Variants in MNDA observed in about 807,000 individuals in gnomAD.
MNDA encodes epididymis secretory sperm binding protein.
MNDA carries 43 observed loss-of-function variants against 37.8 expected under a neutral mutation model. The ratio of observed to expected loss-of-function variants is 1.14; its 90% CI spans 0.89 to 1.47. The LOEUF (loss-of-function observed/expected upper bound fraction) is 1.47. Ranked by LOEUF, MNDA falls within the 40% of genes most tolerant of loss-of-function variation. The pLI is 0.00. For missense variants in MNDA, 536 were observed against 476.0 expected (o/e 1.13, Z -1.17); for synonymous variants, 181 against 169.0 (o/e 1.07, Z -0.55).
chr1:158,843,817 G>C, intron 3 of MNDA, 138 bp from the exon 4 acceptor site: 1 of 723,474 alleles, frequency 1.4e-6, no homozygotes, highest in Non-Finnish European at 2.2e-6. Flanking sequence ...TCAAGTGACA[G>C]ATTGTAATTC....
chr1:158,843,724 A>G (rs571276298), intron 3 of MNDA, among the ~76,000 whole-genome samples: 39 of 152,294 alleles, frequency 2.6e-4, no homozygotes, highest in African/African-American at 8.9e-4. Context: ...CACAGTGGTG[A>G]TAACAGTAAT....
chr1:158,845,629 A>G lies in MNDA; in HGVS notation c.613A>G (p.Asn205Asp). Reference protein sequence around the residue: ...QAQRQVDARRNVPQNDPVTVV... With the variant: ...QAQRQVDARRDVPQNDPVTVV... Reference sequence around the variant, plus strand: ...CCAACGGCAGGTGGATGCAAGAAGAAATGTTCCCCAAAACGACCCAGTGAC... The same window carrying G: ...CCAACGGCAGGTGGATGCAAGAAGAGATGTTCCCCAAAACGACCCAGTGAC... Residue 205 changes from asparagine (N) to aspartate (D), a missense_variant, in exon 5 of 7, where the codon AAT (asparagine) becomes GAT (aspartate). Physicochemically the swap from Asn to Asp is conservative, Grantham distance 23. Coordinates refer to ENST00000368141, the MANE Select transcript of MNDA (RefSeq NM_002432.3). 6.2e-7 allele frequency: 1 copy of G among 1,613,742 alleles called. No homozygotes were observed. Among genetic ancestry groups the G allele is most frequent in the South Asian group, 1.1e-5 (1 of 91,034 alleles).
intron 4 of MNDA, among the ~76,000 whole-genome samples, 195 bp from the exon 5 acceptor site, chr1:158,845,392 A>C (rs1659112109): frequency 2.0e-5 from 3 of 151,936 alleles, no homozygotes; most frequent in South Asian, 2.1e-4. Flanking sequence ...CGCCCGCTAC[A>C]ACGCCCGGCT....
At chr1:158,832,727 T>C (rs1369562185) in intron 1 of MNDA, among the ~76,000 whole-genome samples, 1 of 151,990 alleles carries the variant, frequency 6.6e-6, no homozygotes, top group Admixed American at 6.5e-5. Flanking sequence ...CTAAAAAGTC[T>C]TTCTTTAAGT....
chr1:158,842,919 T>C (rs1203609394), intron 2 of MNDA, among the ~76,000 whole-genome samples: 1 of 152,150 alleles, frequency 6.6e-6, no homozygotes, highest in African/African-American at 2.4e-5. Context: ...GAACAGATAT[T>C]GCACAGAACA....
chr1:158,840,036 A>C (rs1427178448), intron 1 of MNDA, among the ~76,000 whole-genome samples: 1 of 152,138 alleles, frequency 6.6e-6, no homozygotes, highest in Non-Finnish European at 1.5e-5. Flanking sequence ...CCCTGGGACA[A>C]CTCTGATTTT....
At chr1:158,848,911 A>T (rs537084590) in intron 6 of MNDA, among the ~76,000 whole-genome samples, 49 of 151,644 alleles carry the variant, frequency 3.2e-4, no homozygotes, top group Middle Eastern at 3.4e-3. Flanking sequence ...CGAAACTTTT[A>T]AAAAAAAATG....
chr1:158,845,292 C>G (rs948363354), intron 4 of MNDA, among the ~76,000 whole-genome samples: 10 of 152,138 alleles, frequency 6.6e-5, no homozygotes, highest in African/African-American at 2.4e-4. Context: ...GGCTGGAGTG[C>G]AGTGGTGCGA....
Position 158,836,136 on chromosome 1 carries a change from T to C in MNDA, c.-21+4579T>C, listed in dbSNP as rs992418548. 2.9e-5 allele frequency among the ~76,000 whole-genome samples: 4 copies of C among 135,656 alleles called. No homozygotes were observed. The East Asian group carries it at 7.2e-4, about 24-fold the overall frequency. 89.0% of individuals were successfully genotyped at this position (135,656 alleles called of 152,430 possible). On this transcript the variant is annotated intron_variant, in intron 1 of 6. Coordinates refer to ENST00000368141, the MANE Select transcript of MNDA (RefSeq NM_002432.3). ...TGCTATATAATTATGTTCGCTAGCA[T>C]TTTGTAAAAAAAAAATGCATCGACA...
chr1:158,844,278 G>C (rs1659090962), intron 4 of MNDA, among the ~76,000 whole-genome samples, 156 bp downstream of exon 4: 1 of 151,704 alleles, frequency 6.6e-6, no homozygotes, highest in Middle Eastern at 3.4e-3. Context: ...ACATTGGTGA[G>C]AAGCCACATG....
In MNDA at chr1:158,847,615, C is replaced by T. The variant is rs1213745423; in HGVS notation, c.988-113C>T. The T allele has an allele frequency of 7.2e-6, 7 of 973,660 alleles. No homozygotes were observed. In the East Asian group the frequency reaches 1.9e-4, roughly 26 times the overall value. 60.3% of individuals were successfully genotyped at this position (973,660 alleles called of 1,614,324 possible). On this transcript the variant is annotated intron_variant, in intron 5 of 6. Coordinates refer to ENST00000368141, the MANE Select transcript of MNDA (RefSeq NM_002432.3). ...TGGCAGGCCAAGCCACATGTATGATCTGTACCTGTCATTCCTGTCGTGCAT... is the reference window on the plus strand; with the variant it reads ...TGGCAGGCCAAGCCACATGTATGATTTGTACCTGTCATTCCTGTCGTGCAT...
At chr1:158,837,219 C>G (rs1377661653) in intron 1 of MNDA, among the ~76,000 whole-genome samples, 1 of 151,732 alleles carries the variant, frequency 6.6e-6, no homozygotes, top group African/African-American at 2.4e-5. Context: ...TATAATTGGT[C>G]TATAAGTGGT....
chr1:158,848,012 G>A, intron 6 of MNDA, 96 bp downstream of exon 6: 1 of 1,114,822 alleles, frequency 9.0e-7, no homozygotes, highest in Non-Finnish European at 1.3e-6. Context: ...TACTCAGAGA[G>A]TCCAGCGAGT....
chr1:158,832,127 A>G (rs904468383), intron 1 of MNDA, among the ~76,000 whole-genome samples: 3 of 152,144 alleles, frequency 2.0e-5, no homozygotes, highest in Non-Finnish European at 2.9e-5. Flanking sequence ...TCTTTTTCAA[A>G]TGGTCTATGC....
At chr1:158,848,390 T>G (rs1282037613) in intron 6 of MNDA, among the ~76,000 whole-genome samples, 3 of 60,778 alleles carry the variant, frequency 4.9e-5, no homozygotes, top group Non-Finnish European at 9.9e-5. Flanking sequence ...TAGTTTTATT[T>G]TTAGGAAGGT....
chr1:158,845,598 C>A lies in MNDA; in HGVS notation c.582C>A (p.Thr194=). The A allele has an allele frequency of 6.2e-7, 1 of 1,610,992 alleles. No individual in the cohort carries two copies. ...SNTSFTPNQE[T]QAQRQVDARR... ...TCTGCCCAACACAGAATCAGGAAACCCAGGCCCAACGGCAGGTGGATGCAA... is the reference window on the plus strand; with the variant it reads ...TCTGCCCAACACAGAATCAGGAAACACAGGCCCAACGGCAGGTGGATGCAA... Residue 194 remains threonine (T), a synonymous_variant, in exon 5 of 7, where the codon ACC becomes ACA. Transcript: ENST00000368141.
intron 1 of MNDA, among the ~76,000 whole-genome samples, chr1:158,835,888 T>C (rs1354650433): frequency 4.0e-5 from 6 of 151,880 alleles, no homozygotes; most frequent in Non-Finnish European, 5.9e-5. Context: ...ATTGAGATGA[T>C]CATTTTTTTT....
chr1:158,839,645 A>G (rs1322705365), intron 1 of MNDA, among the ~76,000 whole-genome samples: 1 of 152,214 alleles, frequency 6.6e-6, no homozygotes, highest in Non-Finnish European at 1.5e-5. Flanking sequence ...ATTCCAAAGG[A>G]AGAATGAGGA....
At chr1:158,840,540 A>G (rs1659011267) in intron 1 of MNDA, among the ~76,000 whole-genome samples, 1 of 152,082 alleles carries the variant, frequency 6.6e-6, no homozygotes, top group South Asian at 2.1e-4. Flanking sequence ...TTCACATTAT[A>G]TCTCTAATTT....
Sources: allele counts gnomAD v4.1 joint callset (sites outside exome capture counted in the v4.1 genomes callset), GRCh38; gene constraint gnomAD v4.1.1; transcripts MANE v1.5; gene names NCBI Gene and HGNC (gene_info 2026-07-23, HGNC 2026-07-21).